Variants in WDR74 observed in about 807,000 individuals in gnomAD.
The protein encoded by WDR74 is WD repeat domain 74, also known as WD repeat-containing protein 74.
A neutral mutation model predicts 45.6 loss-of-function variants in WDR74; 31 were observed. That is an observed-to-expected ratio of 0.68 (90% CI 0.51 to 0.92). The LOEUF (loss-of-function observed/expected upper bound fraction) is 0.92, where lower values mean the gene tolerates loss of function less well. WDR74 is among the 40% of genes least tolerant of loss of function. The pLI is 0.00. For missense variants in WDR74, 455 were observed against 497.2 expected, an observed-to-expected ratio of 0.92 and a Z score of 0.81; for synonymous variants, 191 against 192.4, an observed-to-expected ratio of 0.99 and a Z score of 0.06.
At chr11:62,838,082 G>C (rs947491544) in intron 3 of WDR74, among the ~76,000 whole-genome samples, 1 of 152,170 alleles carries the variant, frequency 6.6e-6, no homozygotes, top group South Asian at 2.1e-4. Flanking sequence ...AAGCCTAGGT[G>C]ACACAGTGAG....
At chr11:62,835,091 A>T (rs1225411006) in intron 6 of WDR74, 1 of 267,534 alleles carries the variant, frequency 3.7e-6, no homozygotes. Context: ...CTGGGTCCCA[A>T]AGCAAATCAG....
At position 62,833,018 on chromosome 11, in the gene WDR74, C is replaced by T. The variant is rs1283135409; in HGVS notation, c.1092G>A (p.Glu364=). ...TCGTTTGGAGAGCTCCTTGGGGCTG[C>T]TCCAAACCCGAGAGCTTCCGCTTGG... The part of the protein sequence containing the change: ...AAAKRKLSGL[E]QPQGALQTRR... Residue 364 remains glutamate, a synonymous_variant, in exon 11 of 11, where the codon GAG becomes GAA. Coordinates refer to ENST00000278856, the MANE Select transcript of WDR74 (RefSeq NM_001369450.1). 1.9e-6 allele frequency: 3 copies of T among 1,610,254 alleles called. No homozygotes were observed. Among genetic ancestry groups the T allele is most frequent in the Admixed American group, 1.7e-5 (1 of 59,138 alleles).
At chr11:62,834,012 CTT>C in intron 8 of WDR74, 75 bp from the exon 9 acceptor site, 1 of 1,564,532 alleles carries the variant, frequency 6.4e-7, no homozygotes, top group Non-Finnish European at 8.7e-7. Flanking sequence ...GTTCCAATCA[CTT>C]TCCATTTCAA....
chr11:62,834,453 T>G lies in WDR74; in HGVS notation c.693A>C (p.Thr231=). 1 of 1,469,116 alleles carries G rather than the reference T, an allele frequency of 6.8e-7. No individual in the cohort carries two copies. The highest frequency in any genetic ancestry group is 9.1e-7 in the Non-Finnish European group (1 of 1,093,806). The allele number at this position is 1,469,116 out of a possible 1,614,324, so 91.0% of individuals were successfully genotyped here. A position where few individuals can be genotyped will look rare whatever the true frequency, so the allele number is the denominator to read the frequency against. The part of the protein sequence containing the change: ...LETTYGEYPL[T]AMTLTPGGNS... ...TGCCTCCCGGAGTGAGGGTCATGGC[T>G]GTTAGTGGGTACTCTCCATAGGTGG... Residue 231 remains threonine (T), a synonymous_variant, in exon 7 of 11, where the codon ACA becomes ACC. Transcript: ENST00000278856.
intron 8 of WDR74, 76 bp downstream of exon 8, chr11:62,834,200 A>T: frequency 6.2e-7 from 1 of 1,603,318 alleles, no homozygotes; most frequent in Non-Finnish European, 8.5e-7. Flanking sequence ...CACTGGCCCC[A>T]CTGCACCACC....
chr11:62,841,426 A>T (rs1220807350), upstream of WDR74: 1 of 152,216 alleles, frequency 6.6e-6, no homozygotes, highest in Non-Finnish European at 1.5e-5. Flanking sequence ...GCTGAAGACC[A>T]CATGGAGATA....
At chr11:62,838,750 A>G (rs1337946407) in intron 3 of WDR74, among the ~76,000 whole-genome samples, 1 of 145,406 alleles carries the variant, frequency 6.9e-6, no homozygotes, top group East Asian at 2.0e-4. Flanking sequence ...AAGAGCGAAA[A>G]CTCCGTCTCC....
chr11:62,839,330 C>A lies in WDR74; in HGVS notation c.163G>T (p.Glu55Ter), dbSNP rs767197459. 3 of 1,610,728 alleles carry A rather than the reference C, an allele frequency of 1.9e-6. No individual in the cohort carries two copies. The Admixed American group carries it at 5.0e-5, about 27-fold the overall frequency. ...VSALCWGTGG[E>*]TQMLVGCADR... ...GACCAGGGGCCACTCACCTGGGTCT[C>A]GCCGCCGGTGCCCCAACACAGGGCG... Residue 55 changes from glutamate to a stop codon, truncating the protein, a stop_gained, in exon 2 of 11, where the codon GAG becomes TAG. Transcript: ENST00000278856. LOFTEE classifies it high-confidence loss of function.
upstream of WDR74, chr11:62,841,660 A>C (rs532857330): frequency 6.6e-6 from 1 of 152,246 alleles, no homozygotes. Flanking sequence ...TACCAGGTCG[A>C]TGCGTGGAGT....
In WDR74 at chr11:62,839,414, G is replaced by C; in HGVS notation, c.79C>G (p.Arg27Gly). 1 of 1,613,310 alleles carries C rather than the reference G, an allele frequency of 6.2e-7. No individual in the cohort carries two copies. The highest frequency in any genetic ancestry group is 8.5e-7 in the Non-Finnish European group (1 of 1,179,856). ...GCCGTGAAGTTCGCCGCCTGTTTTCGCTGAAGATTTACCCCTGAGAGACGA... is the reference window on the plus strand; with the variant it reads ...GCCGTGAAGTTCGCCGCCTGTTTTCCCTGAAGATTTACCCCTGAGAGACGA... The part of the protein sequence containing the change: ...TGILKGVNLQ[R>G]KQAANFTAGG... Residue 27 changes from arginine to glycine, a missense_variant, in exon 2 of 11, where the codon CGA becomes GGA. Arg to Gly is a moderately radical substitution (Grantham distance 125). Transcript: ENST00000278856.
At chr11:62,841,796 G>A (rs889708962), upstream of WDR74, 10 of 152,128 alleles carry the variant, frequency 6.6e-5, no homozygotes, top group South Asian at 2.1e-4. Context: ...TTAGCCAAAA[G>A]GCCGAGAAGC....
upstream of WDR74, chr11:62,841,452 A>T (rs919147236): frequency 6.6e-6 from 1 of 152,246 alleles, no homozygotes; most frequent in African/African-American, 2.4e-5. Flanking sequence ...CTCCGTGCTC[A>T]GTTATAAAAC....
At chr11:62,833,725 T>C in intron 9 of WDR74, 51 bp from the exon 10 acceptor site, 3 of 1,590,390 alleles carry the variant, frequency 1.9e-6, no homozygotes, top group Non-Finnish European at 2.6e-6. Flanking sequence ...GACAGAAACA[T>C]GAACGGAGGG....
At chr11:62,839,905 T>C, upstream of WDR74, 2 of 292,288 alleles carry the variant, frequency 6.8e-6, no homozygotes, top group Non-Finnish European at 1.3e-5. Context: ...TAAGAAACGA[T>C]TTAAGAAACA....
At chr11:62,838,614 C>T (rs371044731) in intron 3 of WDR74, among the ~76,000 whole-genome samples, 6 of 151,784 alleles carry the variant, frequency 4.0e-5, no homozygotes, top group African/African-American at 1.5e-4. Context: ...CAAAAATAGC[C>T]GCGCGTGGTG....
At chr11:62,834,401 C>T in intron 7 of WDR74, 26 bp downstream of exon 7, 2 of 1,596,412 alleles carry the variant, frequency 1.3e-6, no homozygotes, top group Non-Finnish European at 1.7e-6. Flanking sequence ...CCCCACCCTC[C>T]CACCCCTTCC....
upstream of WDR74, chr11:62,841,582 A>T (rs542773042): frequency 1.3e-5 from 2 of 152,188 alleles, no homozygotes; most frequent in African/African-American, 4.8e-5. Flanking sequence ...AACTGATCGA[A>T]ATCTTCCATT....
At chr11:62,840,242 G>T (rs1260576676), upstream of WDR74, 1 of 152,434 alleles carries the variant, frequency 6.6e-6, no homozygotes, top group Non-Finnish European at 1.5e-5. Flanking sequence ...CACTTTGGGA[G>T]GCCGAGGCGG....
At chr11:62,841,694 T>A (rs574495854), upstream of WDR74, 14 of 152,132 alleles carry the variant, frequency 9.2e-5, no homozygotes, top group African/African-American at 2.7e-4. Context: ...TCCTATTCCA[T>A]CTCCTATTTC....
Sources: gnomAD v4.1 joint callset for allele counts (sites outside exome capture counted in the v4.1 genomes callset) on GRCh38, gnomAD v4.1.1 for gene constraint, MANE v1.5 for transcripts, NCBI Gene and HGNC (gene_info 2026-07-23, HGNC 2026-07-21) for gene names.